The following FAF1 variants were observed in gnomAD, a reference collection of about 807,000 sequenced individuals.
FAF1 encodes the protein Fas associated factor 1, also known as FAS-associated factor 1.
A neutral mutation model predicts 92.5 loss-of-function variants in FAF1; 25 were observed. That is an observed-to-expected ratio of 0.27 (90% CI 0.20 to 0.38). FAF1 has a LOEUF of 0.38. Among genes scored for constraint, FAF1 ranks in the 10% least tolerant of loss-of-function variants. The probability of loss-of-function intolerance (pLI) is 1.00; values close to 1 mark genes in which losing one functional copy is unlikely to be tolerated. For missense variants in FAF1, 636 were observed against 793.3 expected (o/e 0.80, Z 2.38); for synonymous variants, 234 against 273.2 (o/e 0.86, Z 1.42).
intron 18 of FAF1, chr1:50,469,644 CAA>C (rs1177193393): frequency 6.6e-6 from 1 of 152,040 alleles, no homozygotes; most frequent in Non-Finnish European, 1.5e-5. Flanking sequence ...AAAAATCACT[CAA>C]GAGACAGTGG....
chr1:50,626,149 GTGTTA>G (rs1461134594), intron 8 of FAF1, among the ~76,000 whole-genome samples: 3 of 152,080 alleles, frequency 2.0e-5, no homozygotes, highest in Non-Finnish European at 4.4e-5. Flanking sequence ...TTTTGTTATT[GTGTTA>G]TATTTTCAGA....
At chr1:50,470,087 C>A in intron 18 of FAF1, among the ~76,000 whole-genome samples, 1 of 152,066 alleles carries the variant, frequency 6.6e-6, no homozygotes, top group East Asian at 1.9e-4. Flanking sequence ...AAAAATAAAA[C>A]TTAGTCTAAT....
chr1:50,940,599 T>C (rs1489044060), intron 1 of FAF1, among the ~76,000 whole-genome samples: 4 of 152,228 alleles, frequency 2.6e-5, no homozygotes, highest in Non-Finnish European at 4.4e-5. Flanking sequence ...TACTAGGACG[T>C]TGGGAATATA....
intron 2 of FAF1, among the ~76,000 whole-genome samples, chr1:50,825,878 G>C (rs1644092303): frequency 6.6e-6 from 1 of 152,092 alleles, no homozygotes; most frequent in Admixed American, 6.6e-5. Flanking sequence ...AATAGAGAAT[G>C]CTTCTATACT....
chr1:50,729,058 A>ATATATATATTTTTTTTTT (rs1375923156), intron 6 of FAF1, among the ~76,000 whole-genome samples: 1 of 70,132 alleles, frequency 1.4e-5, no homozygotes, highest in African/African-American at 5.9e-5. Context: ...ATATATATAT[A>ATATATATATTTTTTTTTT]TTTTTTTTTT....
chr1:50,501,524 G>T (rs1646984248), intron 15 of FAF1, among the ~76,000 whole-genome samples: 1 of 152,094 alleles, frequency 6.6e-6, no homozygotes, highest in Non-Finnish European at 1.5e-5. Flanking sequence ...AGCTGGGCGT[G>T]GTGGCAGGCA....
chr1:50,458,594 C>T (rs1646385170), intron 18 of FAF1, among the ~76,000 whole-genome samples: 1 of 152,220 alleles, frequency 6.6e-6, no homozygotes, highest in Non-Finnish European at 1.5e-5. Flanking sequence ...GTAATAACCT[C>T]AAACACATTT....
chr1:50,555,597 A>C (rs1431417681), intron 13 of FAF1, among the ~76,000 whole-genome samples: 1 of 152,178 alleles, frequency 6.6e-6, no homozygotes, highest in Non-Finnish European at 1.5e-5. Context: ...AGCCATTATT[A>C]AAAAGTCAAA....
intron 1 of FAF1, among the ~76,000 whole-genome samples, chr1:50,916,740 A>T (rs894607100): frequency 6.6e-6 from 1 of 152,262 alleles, no homozygotes; most frequent in Admixed American, 6.5e-5. Context: ...TTAGGGAAAC[A>T]TAGAAATGAA....
intron 2 of FAF1, among the ~76,000 whole-genome samples, chr1:50,846,237 A>G (rs1433372475): frequency 6.6e-6 from 1 of 152,060 alleles, no homozygotes. Context: ...TAAAAATTAC[A>G]ATGCATACAA....
intron 6 of FAF1, 129 bp downstream of exon 6, chr1:50,738,734 A>G: frequency 1.6e-6 from 1 of 631,170 alleles, no homozygotes; most frequent in South Asian, 2.2e-5. Flanking sequence ...GATATACTTC[A>G]TAGTAGTTGG....
At chr1:50,731,372 CTT>C (rs369508602) in intron 6 of FAF1, among the ~76,000 whole-genome samples, 33 of 140,140 alleles carry the variant, frequency 2.4e-4, no homozygotes, top group Non-Finnish European at 2.2e-4. Flanking sequence ...TATCTTTTCT[CTT>C]TTTTTTTTTT....
At chr1:50,509,607 C>G (rs1316635458) in intron 15 of FAF1, among the ~76,000 whole-genome samples, 1 of 151,896 alleles carries the variant, frequency 6.6e-6, no homozygotes, top group Non-Finnish European at 1.5e-5. Context: ...GTGAGAATGT[C>G]AATAAATAAA....
chr1:50,770,749 C>G (rs1660747784), intron 4 of FAF1, among the ~76,000 whole-genome samples: 1 of 152,198 alleles, frequency 6.6e-6, no homozygotes, highest in Non-Finnish European at 1.5e-5. Context: ...TTAGAAAAGA[C>G]TATTTTAAAA....
intron 4 of FAF1, among the ~76,000 whole-genome samples, chr1:50,781,583 T>C (rs150163883): frequency 6.6e-6 from 1 of 152,126 alleles, no homozygotes; most frequent in Non-Finnish European, 1.5e-5. Context: ...CCATTTTCAA[T>C]AATGAATAGA....
intron 17 of FAF1, 81 bp from the exon 18 acceptor site, chr1:50,475,760 G>A (rs1646632892): frequency 1.1e-6 from 1 of 882,982 alleles, no homozygotes; most frequent in Non-Finnish European, 1.7e-6. Context: ...CAGAAAAAAA[G>A]CTGCTGTTTT....
chr1:50,589,321 C>T (rs1651391123), intron 9 of FAF1, among the ~76,000 whole-genome samples: 1 of 151,986 alleles, frequency 6.6e-6, no homozygotes. Flanking sequence ...ATTTCAGGTG[C>T]TTAGGCACCT....
chr1:50,577,875 A>T, intron 12 of FAF1, among the ~76,000 whole-genome samples: 1 of 152,228 alleles, frequency 6.6e-6, no homozygotes, highest in Non-Finnish European at 1.5e-5. Flanking sequence ...CCAAAGTTGG[A>T]AGCTCTGCTT....
chr1:50,947,757 A>G (rs1407147100), intron 1 of FAF1, among the ~76,000 whole-genome samples: 1 of 152,250 alleles, frequency 6.6e-6, no homozygotes, highest in Non-Finnish European at 1.5e-5. Flanking sequence ...TATATGCATC[A>G]CTTTAAAGTT....
Sources: allele counts gnomAD v4.1 joint callset (sites outside exome capture counted in the v4.1 genomes callset), GRCh38; gene constraint gnomAD v4.1.1; transcripts MANE v1.5; gene names NCBI Gene and HGNC (gene_info 2026-07-23, HGNC 2026-07-21).